Variants in ZMPSTE24 observed in about 807,000 individuals in gnomAD.
The protein encoded by ZMPSTE24 is zinc metallopeptidase STE24, also known as CAAX prenyl protease 1 homolog.
A neutral mutation model predicts 56.7 loss-of-function variants in ZMPSTE24; 48 were observed. The ratio of observed to expected loss-of-function variants is 0.85; its 90% CI spans 0.67 to 1.08. The LOEUF (loss-of-function observed/expected upper bound fraction) is 1.08, where lower values mean the gene tolerates loss of function less well. ZMPSTE24 is among the 50% of genes least tolerant of loss of function. ZMPSTE24 has a pLI of 0.00. For synonymous variants in ZMPSTE24, 172 were observed against 195.2 expected, an observed-to-expected ratio of 0.88 and a Z score of 0.99; for missense variants, 503 against 548.7, an observed-to-expected ratio of 0.92 and a Z score of 0.83.
At position 40,293,982 on chromosome 1, in the gene ZMPSTE24, T is replaced by C. The variant is rs975014449; in HGVS notation, c.*1313T>C. On this transcript the variant is annotated 3_prime_UTR_variant, in exon 10 of 10. Transcript: ENST00000372759. ...TTTGGGTGATGTCTTCACATGGAAA[T>C]ATAATAAAAATAAAAATCTAGTTTA... is the stretch of plus-strand genomic sequence containing the variant. The C allele has an allele frequency of 1.3e-5, 2 of 152,632 alleles. No homozygotes were observed. The highest frequency in any genetic ancestry group is 3.8e-4 in the East Asian group (2 of 5,204). 9.5% of individuals were successfully genotyped at this position (152,632 alleles called of 1,614,324 possible). A position where few individuals can be genotyped will look rare whatever the true frequency, so the allele number is the denominator to read the frequency against.
At position 40,271,751 on chromosome 1, in the gene ZMPSTE24, G is replaced by T; in HGVS notation, c.628-143G>T. On this transcript the variant is annotated intron_variant, in intron 5 of 9. Transcript: ENST00000372759. ...GCTCTTACTATCTGGTACTATTTGGGCCTGGGAATACCAGAGCAAGTAAGT... is the reference window on the plus strand; with the variant it reads ...GCTCTTACTATCTGGTACTATTTGGTCCTGGGAATACCAGAGCAAGTAAGT... The T allele has an allele frequency of 3.8e-6, 3 of 796,882 alleles. No homozygotes were observed. In the East Asian group the frequency reaches 8.4e-5, roughly 22 times the overall value. The allele number at this position is 796,882 out of a possible 1,614,324, so 49.4% of individuals were successfully genotyped here.
At chr1:40,281,921 A>T (rs979340662) in intron 7 of ZMPSTE24, among the ~76,000 whole-genome samples, 1 of 152,162 alleles carries the variant, frequency 6.6e-6, no homozygotes, top group Non-Finnish European at 1.5e-5. Context: ...AGCTTTATTA[A>T]GACAGTAATT....
intron 1 of ZMPSTE24, 68 bp from the exon 2 acceptor site, chr1:40,260,771 G>A: frequency 2.0e-6 from 3 of 1,536,792 alleles, no homozygotes; most frequent in Non-Finnish European, 2.7e-6. Context: ...ACCATTCGAT[G>A]TTTGATCATA....
intron 2 of ZMPSTE24, among the ~76,000 whole-genome samples, chr1:40,262,224 T>C (rs1478991152): frequency 6.6e-6 from 1 of 152,258 alleles, no homozygotes; most frequent in African/African-American, 2.4e-5. Flanking sequence ...TATGGAATAA[T>C]AAGACTAGTG....
chr1:40,276,983 C>T (rs906049608), intron 6 of ZMPSTE24, among the ~76,000 whole-genome samples: 3 of 152,068 alleles, frequency 2.0e-5, no homozygotes, highest in Admixed American at 6.5e-5. Context: ...GACCACTGTC[C>T]TATATGTAGT....
chr1:40,274,072 A>G (rs1336080205), intron 6 of ZMPSTE24, among the ~76,000 whole-genome samples: 1 of 152,174 alleles, frequency 6.6e-6, no homozygotes, highest in East Asian at 1.9e-4. Context: ...TTCAGGGTCA[A>G]AAGGCTTGGG....
In ZMPSTE24 at chr1:40,292,635, G is replaced by T; in HGVS notation, c.1394G>T (p.Arg465Ile). The T allele has an allele frequency of 6.2e-7, 1 of 1,614,060 alleles. No individual in the cohort carries two copies. The highest frequency in any genetic ancestry group is 1.1e-5 in the South Asian group (1 of 91,058). Residue 465 changes from arginine (R) to isoleucine (I), a missense_variant, in exon 10 of 10, where the codon AGA becomes ATA. Physicochemically the swap from Arg to Ile is moderately conservative, Grantham distance 97. Coordinates refer to ENST00000372759, the MANE Select transcript of ZMPSTE24 (RefSeq NM_005857.5). ...WHYSHPPLLE[R>I]LQALKTMKQH is the part of the protein sequence containing the mutation. ...TATTCTCATCCTCCACTGCTAGAGA[G>T]ACTTCAAGCTTTGAAAACTATGAAG...
chr1:40,267,115 C>T (rs1643557598), intron 2 of ZMPSTE24, among the ~76,000 whole-genome samples: 1 of 151,782 alleles, frequency 6.6e-6, no homozygotes, highest in South Asian at 2.1e-4. Flanking sequence ...GGTCTTTTGA[C>T]AAAAGGTTTT....
intron 6 of ZMPSTE24, among the ~76,000 whole-genome samples, chr1:40,273,280 G>A (rs1208179350): frequency 6.6e-6 from 1 of 151,954 alleles, no homozygotes; most frequent in Non-Finnish European, 1.5e-5. Context: ...CACTTTGGGA[G>A]GCCAAGGCAG....
chr1:40,289,985 C>T (rs1427320689), intron 8 of ZMPSTE24, among the ~76,000 whole-genome samples: 2 of 152,190 alleles, frequency 1.3e-5, no homozygotes, highest in Admixed American at 1.3e-4. Flanking sequence ...TTGACCACTT[C>T]AAACCCTCAA....
chr1:40,265,544 A>C (rs1048467128), intron 2 of ZMPSTE24, among the ~76,000 whole-genome samples: 1 of 152,160 alleles, frequency 6.6e-6, no homozygotes, highest in Non-Finnish European at 1.5e-5. Flanking sequence ...TGTACAAAAA[A>C]TTAAAATTAG....
chr1:40,263,702 A>G lies in ZMPSTE24; in HGVS notation c.270+2717A>G, dbSNP rs149981763. Among the ~76,000 whole-genome samples the G allele has an allele frequency of 6.4e-3, 974 of 151,066 alleles. 15 individuals are homozygous for G. Among genetic ancestry groups the G allele is most frequent in the African/African-American group, 0.022 (922 of 41,172 alleles). On this transcript the variant is annotated intron_variant, in intron 2 of 9. Coordinates refer to ENST00000372759, the MANE Select transcript of ZMPSTE24 (RefSeq NM_005857.5). ...TAATAGGTTTGTATGTTTTGGTCAC[A>G]GAGATCAAGTGAGAAGATTAGCTTC...
At chr1:40,274,602 T>C (rs1462531731) in intron 6 of ZMPSTE24, among the ~76,000 whole-genome samples, 3 of 152,148 alleles carry the variant, frequency 2.0e-5, no homozygotes, top group Non-Finnish European at 4.4e-5. Context: ...ATCTGAGACA[T>C]AGGCAAGAAT....
chr1:40,291,335 A>C (rs1311849499), intron 9 of ZMPSTE24, among the ~76,000 whole-genome samples: 1 of 152,208 alleles, frequency 6.6e-6, no homozygotes, highest in Non-Finnish European at 1.5e-5. Context: ...TATGTGTATG[A>C]GGGGACAAAG....
chr1:40,281,179 A>T (rs1269107425), intron 6 of ZMPSTE24, among the ~76,000 whole-genome samples, 164 bp from the exon 7 acceptor site: 1 of 152,088 alleles, frequency 6.6e-6, no homozygotes, highest in Non-Finnish European at 1.5e-5. Flanking sequence ...AAAAACAGAC[A>T]CTCTCCACTG....
chr1:40,285,960 C>G lies in ZMPSTE24; in HGVS notation c.990C>G (p.Leu330=). Residue 330 remains leucine (L), a synonymous_variant, in exon 8 of 10, where the codon CTC becomes CTG. Coordinates refer to ENST00000372759, the MANE Select transcript of ZMPSTE24 (RefSeq NM_005857.5). ...KKQGCKNEEV[L]AVLGHELGHW... is the part of the protein sequence containing the mutation. ...AAGGATGTAAAAATGAGGAGGTACT[C>G]GCTGTACTAGGCCATGAACTGGGGC... The G allele has an allele frequency of 6.2e-7, 1 of 1,613,804 alleles. No individual in the cohort carries two copies.
intron 2 of ZMPSTE24, among the ~76,000 whole-genome samples, chr1:40,263,817 T>C (rs1643522064): frequency 6.6e-6 from 1 of 151,330 alleles, no homozygotes; most frequent in Non-Finnish European, 1.5e-5. Flanking sequence ...GTTGCCACTG[T>C]TCACATAAAT....
chr1:40,270,268 C>T, intron 5 of ZMPSTE24, 141 bp downstream of exon 5: 1 of 1,031,082 alleles, frequency 9.7e-7, no homozygotes, highest in Non-Finnish European at 1.5e-6. Context: ...TTGGTTTCTG[C>T]TTTTGATTGT....
At chr1:40,272,132 G>T in intron 6 of ZMPSTE24, 97 bp downstream of exon 6, 3 of 1,352,574 alleles carry the variant, frequency 2.2e-6, no homozygotes, top group African/African-American at 1.5e-5. Flanking sequence ...ATCAGTTTTT[G>T]TTTTTTTCTT....
Sources: gnomAD v4.1 joint callset for allele counts (sites outside exome capture counted in the v4.1 genomes callset) on GRCh38, gnomAD v4.1.1 for gene constraint, MANE v1.5 for transcripts, NCBI Gene and HGNC (gene_info 2026-07-23, HGNC 2026-07-21) for gene names.